The following KIAA1217 variants were observed in gnomAD, a reference collection of about 807,000 sequenced individuals.
KIAA1217 encodes the protein KIAA1217.
In KIAA1217, 88 loss-of-function variants were observed where a neutral mutation model predicts 163.9. The observed-to-expected ratio is 0.54, with a 90% CI of 0.45 to 0.64. The LOEUF is 0.64. Ranked by LOEUF, KIAA1217 falls within the 30% of genes least tolerant of loss-of-function variation. KIAA1217 has a pLI of 0.00. For synonymous variants in KIAA1217, 903 were observed against 923.1 expected, an observed-to-expected ratio of 0.98 and a Z score of 0.39; for missense variants, 2,372 against 2,475.0, an observed-to-expected ratio of 0.96 and a Z score of 0.88.
chr10:24,404,554 G>A lies in KIAA1217; in HGVS notation c.553+23487G>A, dbSNP rs182840101. Among the ~76,000 whole-genome samples the A allele has an allele frequency of 5.4e-3, 603 of 110,930 alleles. 7 individuals carry two copies. Among genetic ancestry groups the A allele is most frequent in the African/African-American group, 0.019 (550 of 28,310 alleles). 72.8% of individuals were successfully genotyped at this position (110,930 alleles called of 152,430 possible). A position where few individuals can be genotyped will look rare whatever the true frequency, so the allele number is the denominator to read the frequency against. ...TGCACTCCAGGGTGGGCAACAGAAT[G>A]AGACTCTGTCTCAAAAAAAAAAAAA... is the stretch of plus-strand genomic sequence containing the variant. On this transcript the variant is annotated intron_variant, in intron 3 of 20. Transcript: ENST00000376454.
intron 2 of KIAA1217, among the ~76,000 whole-genome samples, chr10:24,332,881 C>T (rs770621861): frequency 6.6e-6 from 1 of 151,786 alleles, no homozygotes; most frequent in Non-Finnish European, 1.5e-5. Flanking sequence ...ATGGCCAGGT[C>T]GGTGGCAGGG....
At chr10:24,158,667 T>G (rs1259819437) in intron 2 of KIAA1217, 5 of 513,360 alleles carry the variant, frequency 9.7e-6, no homozygotes, top group African/African-American at 2.0e-5. Flanking sequence ...CTGAAAGTAC[T>G]CCTAGGATTT....
chr10:24,115,663 C>A (rs1167529093), intron 2 of KIAA1217, among the ~76,000 whole-genome samples: 1 of 152,222 alleles, frequency 6.6e-6, no homozygotes, highest in Non-Finnish European at 1.5e-5. Flanking sequence ...GCTCTAAGAG[C>A]AGCTTCCTGC....
chr10:23,834,189 C>T (rs191555846), intron 1 of KIAA1217, among the ~76,000 whole-genome samples: 1 of 152,260 alleles, frequency 6.6e-6, no homozygotes, highest in East Asian at 1.9e-4. Flanking sequence ...TTTCTATCTG[C>T]TCACCCCTGG....
intron 2 of KIAA1217, among the ~76,000 whole-genome samples, chr10:24,288,936 G>A (rs894620166): frequency 1.3e-5 from 2 of 152,250 alleles, no homozygotes; most frequent in East Asian, 3.9e-4. Flanking sequence ...AGAAGGGTTT[G>A]AGTTCCATCT....
chr10:23,936,576 G>A (rs1200591054), intron 1 of KIAA1217, among the ~76,000 whole-genome samples: 1 of 152,130 alleles, frequency 6.6e-6, no homozygotes, highest in Non-Finnish European at 1.5e-5. Context: ...AGAAGGCTGT[G>A]TAATGCTAGA....
chr10:24,252,340 G>T (rs2074647885), intron 2 of KIAA1217, among the ~76,000 whole-genome samples: 2 of 152,126 alleles, frequency 1.3e-5, no homozygotes, highest in African/African-American at 4.8e-5. Flanking sequence ...CACTTTGGGA[G>T]GCCCAAGAGG....
chr10:24,072,017 T>C (rs142689626), intron 2 of KIAA1217, among the ~76,000 whole-genome samples: 374 of 152,064 alleles, frequency 2.5e-3, no homozygotes, highest in African/African-American at 8.7e-3. Flanking sequence ...AATAGGAAAA[T>C]ATTACTCTAT....
chr10:23,996,895 G>A (rs551337523), intron 1 of KIAA1217, among the ~76,000 whole-genome samples: 116 of 152,226 alleles, frequency 7.6e-4, no homozygotes, highest in African/African-American at 2.6e-3. Context: ...AGGGGAAAAT[G>A]GGATTTCAGT....
intron 1 of KIAA1217, among the ~76,000 whole-genome samples, chr10:23,708,415 C>T (rs1436500821): frequency 6.6e-6 from 1 of 152,146 alleles, no homozygotes; most frequent in African/African-American, 2.4e-5. Flanking sequence ...AGGTGGATGC[C>T]CTGAGGCTCA....
At chr10:24,349,952 T>G (rs2048255715) in intron 2 of KIAA1217, among the ~76,000 whole-genome samples, 1 of 152,006 alleles carries the variant, frequency 6.6e-6, no homozygotes. Flanking sequence ...TGACGTTGGA[T>G]GGAGGTGGAG....
intron 1 of KIAA1217, among the ~76,000 whole-genome samples, chr10:23,847,043 A>T (rs920751533): frequency 1.3e-5 from 2 of 152,128 alleles, no homozygotes; most frequent in Non-Finnish European, 2.9e-5. Context: ...CCATTTATTG[A>T]TTTGCATATG....
At chr10:24,447,384 C>G (rs1173468112) in intron 5 of KIAA1217, among the ~76,000 whole-genome samples, 1 of 152,090 alleles carries the variant, frequency 6.6e-6, no homozygotes, top group Admixed American at 6.6e-5. Context: ...TATGCCTCCC[C>G]ACTCCTCCCA....
In KIAA1217 at chr10:24,075,119, T is replaced by TACACACACAC. The variant is rs71397929; in HGVS notation, c.-171+67782_-171+67791dup. On this transcript the variant is annotated intron_variant, in intron 2 of 18. Transcript: ENST00000376462. ...AGAAAGTCCTTCTGTTCCCCCTAAA[T>TACACACACAC]ACACACACACACACACACACACACA... Among the ~76,000 whole-genome samples the TACACACACAC allele has an allele frequency of 3.3e-4, 44 of 131,564 alleles. 1 individual carries two copies. The highest frequency in any genetic ancestry group is 8.2e-4 in the South Asian group (3 of 3,664). 86.3% of individuals were successfully genotyped at this position (131,564 alleles called of 152,430 possible).
intron 2 of KIAA1217, chr10:24,275,547 A>T: frequency 2.4e-6 from 1 of 421,132 alleles, no homozygotes; most frequent in Admixed American, 2.7e-5. Context: ...TATTAATTTG[A>T]GGGTCACAAA....
rs149652586 is a variant in KIAA1217 at position 24,123,067 on chromosome 10, A to T, written c.-170-96559A>T. Among the ~76,000 whole-genome samples, 1,264 of 151,676 alleles carry T rather than the reference A, an allele frequency of 8.3e-3. 25 individuals are homozygous for T. Among genetic ancestry groups the T allele is most frequent in the African/African-American group, 0.028 (1,177 of 41,388 alleles). ...CTCCCCCTTCCTTTCCAAGATAATT[A>T]TCATCCTAAAATTGCTACATAACTT... is the stretch of plus-strand genomic sequence containing the variant. On this transcript the variant is annotated intron_variant, in intron 2 of 18. Coordinates refer to the KIAA1217 transcript ENST00000376462.
intron 2 of KIAA1217, among the ~76,000 whole-genome samples, chr10:24,074,246 G>A (rs2061290073): frequency 6.6e-6 from 1 of 152,122 alleles, no homozygotes; most frequent in South Asian, 2.1e-4. Flanking sequence ...TTACTCAGGA[G>A]GCTGAGGCAG....
intron 3 of KIAA1217, among the ~76,000 whole-genome samples, chr10:24,427,134 G>A (rs941903471): frequency 1.3e-5 from 2 of 152,080 alleles, no homozygotes; most frequent in African/African-American, 2.4e-5. Context: ...TTCTCAGGGG[G>A]ACACTGAGCA....
At chr10:24,506,202 G>T (rs1361474732) in intron 9 of KIAA1217, among the ~76,000 whole-genome samples, 1 of 152,194 alleles carries the variant, frequency 6.6e-6, no homozygotes, top group Non-Finnish European at 1.5e-5. Flanking sequence ...ACAGATCCAG[G>T]TGGGATCAGG....
Sources: gnomAD v4.1 joint callset for allele counts (sites outside exome capture counted in the v4.1 genomes callset) on GRCh38, gnomAD v4.1.1 for gene constraint, MANE v1.5 for transcripts, NCBI Gene and HGNC (gene_info 2026-07-23, HGNC 2026-07-21) for gene names.